Variants in ESRRG observed in about 807,000 individuals in gnomAD.
The protein encoded by ESRRG is estrogen related receptor gamma, also known as estrogen-related receptor gamma.
A neutral mutation model predicts 44.0 loss-of-function variants in ESRRG; 13 were observed. The ratio of observed to expected loss-of-function variants is 0.30; its 90% CI spans 0.19 to 0.47. The LOEUF (loss-of-function observed/expected upper bound fraction) is 0.47, where lower values mean the gene tolerates loss of function less well. ESRRG is among the 20% of genes least tolerant of loss of function. ESRRG has a pLI of 1.00. For synonymous variants in ESRRG, 215 were observed against 214.6 expected (o/e 1.00, Z -0.02); for missense variants, 395 against 580.6 (o/e 0.68, Z 3.29).
intron 2 of ESRRG, among the ~76,000 whole-genome samples, chr1:216,827,691 G>A (rs955285231): frequency 6.6e-6 from 1 of 152,090 alleles, no homozygotes; most frequent in African/African-American, 2.4e-5. Flanking sequence ...ATGAAAGAAA[G>A]GGTATGCAAT....
chr1:217,026,934 G>A (rs2081298080), intron 1 of ESRRG, among the ~76,000 whole-genome samples: 1 of 150,220 alleles, frequency 6.7e-6, no homozygotes, highest in Admixed American at 6.7e-5. Flanking sequence ...GAGAGAGAGA[G>A]AGAGAGAGAG....
At chr1:216,612,936 A>C (rs1290744698) in intron 3 of ESRRG, among the ~76,000 whole-genome samples, 1 of 152,220 alleles carries the variant, frequency 6.6e-6, no homozygotes, top group Non-Finnish European at 1.5e-5. Flanking sequence ...GGATGATTCA[A>C]CTGGTCTTCA....
At chr1:216,948,760 T>C (rs2066492173) in intron 1 of ESRRG, among the ~76,000 whole-genome samples, 1 of 152,164 alleles carries the variant, frequency 6.6e-6, no homozygotes, top group East Asian at 1.9e-4. Context: ...ACAAGCTCTT[T>C]GCATAAGGTT....
chr1:216,712,971 G>A (rs960641670), intron 1 of ESRRG, among the ~76,000 whole-genome samples: 7 of 152,148 alleles, frequency 4.6e-5, no homozygotes, highest in African/African-American at 9.7e-5. Flanking sequence ...AAAGCTGAAC[G>A]CTTTGTCAAT....
chr1:216,915,491 A>G (rs2061042043), intron 2 of ESRRG, among the ~76,000 whole-genome samples: 1 of 152,162 alleles, frequency 6.6e-6, no homozygotes, highest in Admixed American at 6.5e-5. Flanking sequence ...TGAACATTCA[A>G]AGTTCAACAC....
chr1:217,102,383 T>C (rs974569561), intron 1 of ESRRG, among the ~76,000 whole-genome samples: 2 of 152,206 alleles, frequency 1.3e-5, no homozygotes, highest in African/African-American at 4.8e-5. Flanking sequence ...TAATAATTAA[T>C]ATGTGTTATC....
chr1:216,780,505 C>A (rs1411046790), intron 2 of ESRRG, among the ~76,000 whole-genome samples: 1 of 151,896 alleles, frequency 6.6e-6, no homozygotes, highest in African/African-American at 2.4e-5. Context: ...TGTACTGAAC[C>A]CTTACGAAAT....
chr1:216,756,994 G>A (rs912264971), intron 2 of ESRRG, among the ~76,000 whole-genome samples: 1 of 152,068 alleles, frequency 6.6e-6, no homozygotes, highest in East Asian at 1.9e-4. Flanking sequence ...GGAGATGCCA[G>A]TATACAAGTC....
chr1:216,663,613 T>G (rs924074212), intron 2 of ESRRG, among the ~76,000 whole-genome samples: 2 of 148,810 alleles, frequency 1.3e-5, no homozygotes, highest in African/African-American at 4.9e-5. Flanking sequence ...TTAAAAAAAT[T>G]TTTCTCTTTC....
intron 2 of ESRRG, among the ~76,000 whole-genome samples, chr1:216,798,588 T>A (rs1442342049): frequency 6.6e-6 from 1 of 152,104 alleles, no homozygotes; most frequent in Non-Finnish European, 1.5e-5. Flanking sequence ...TTAAATAGAT[T>A]GTTAGAAGGG....
At chr1:216,601,254 C>G (rs1346686116) in intron 3 of ESRRG, among the ~76,000 whole-genome samples, 1 of 152,018 alleles carries the variant, frequency 6.6e-6, no homozygotes, top group Non-Finnish European at 1.5e-5. Context: ...GCCGTCGGAC[C>G]GCGCCCACCC....
chr1:217,076,430 C>T (rs2091301685), intron 1 of ESRRG, among the ~76,000 whole-genome samples: 1 of 152,174 alleles, frequency 6.6e-6, no homozygotes, highest in Admixed American at 6.5e-5. Flanking sequence ...GCTCATTTTT[C>T]TCGGTTGAAG....
intron 2 of ESRRG, among the ~76,000 whole-genome samples, chr1:216,840,515 T>C (rs1426335490): frequency 1.1e-3 from 5 of 4,576 alleles, no homozygotes; most frequent in Non-Finnish European, 1.9e-3. Context: ...TTAATATTCT[T>C]CAAGAACTTT....
At chr1:216,702,446 C>A (rs1332561412) in intron 1 of ESRRG, among the ~76,000 whole-genome samples, 1 of 151,814 alleles carries the variant, frequency 6.6e-6, no homozygotes, top group Non-Finnish European at 1.5e-5. Context: ...TTTATGTGAT[C>A]TTAGGATAAA....
chr1:216,966,230 C>T (rs1359201996), intron 1 of ESRRG, among the ~76,000 whole-genome samples: 2 of 152,176 alleles, frequency 1.3e-5, no homozygotes, highest in African/African-American at 2.4e-5. Context: ...TGCCCACTTC[C>T]ACAGAAATCT....
chr1:216,842,740 A>G (rs2095671640), intron 2 of ESRRG, among the ~76,000 whole-genome samples: 2 of 152,216 alleles, frequency 1.3e-5, no homozygotes, highest in Non-Finnish European at 2.9e-5. Flanking sequence ...GCAGGAAAGC[A>G]ATACTACTAA....
intron 5 of ESRRG, among the ~76,000 whole-genome samples, chr1:216,557,392 AG>A (rs1374055496): frequency 2.0e-5 from 3 of 152,198 alleles, no homozygotes; most frequent in African/African-American, 7.2e-5. Flanking sequence ...AGGAATGAAA[AG>A]AAAGATATAA....
chr1:217,070,386 A>ATTT (rs71303006), intron 1 of ESRRG, among the ~76,000 whole-genome samples: 11 of 148,026 alleles, frequency 7.4e-5, no homozygotes, highest in African/African-American at 2.7e-4. Context: ...TCCAAAGTTA[A>ATTT]TTTTTTTTTT....
chr1:216,872,932 G>T (rs1177470452), intron 2 of ESRRG, among the ~76,000 whole-genome samples: 1 of 152,108 alleles, frequency 6.6e-6, no homozygotes, highest in Non-Finnish European at 1.5e-5. Flanking sequence ...AACTCTTATG[G>T]AATATGTGAT....
Sources: gnomAD v4.1 joint callset for allele counts (sites outside exome capture counted in the v4.1 genomes callset) on GRCh38, gnomAD v4.1.1 for gene constraint, MANE v1.5 for transcripts, NCBI Gene and HGNC (gene_info 2026-07-23, HGNC 2026-07-21) for gene names.